Variants in PHLDB2 observed in about 807,000 individuals in gnomAD.
PHLDB2 encodes pleckstrin homology-like domain family B member 2.
PHLDB2 carries 71 observed loss-of-function variants against 123.6 expected under a neutral mutation model. That is an observed-to-expected ratio of 0.57 (90% CI 0.47 to 0.70). The LOEUF (loss-of-function observed/expected upper bound fraction) is 0.70, where lower values mean the gene tolerates loss of function less well. PHLDB2 is among the 30% of genes least tolerant of loss of function. The pLI is 0.00. For missense variants in PHLDB2, 1,446 were observed against 1,519.5 expected, an observed-to-expected ratio of 0.95 and a Z score of 0.80; for synonymous variants, 547 against 541.6, an observed-to-expected ratio of 1.01 and a Z score of -0.14.
intron 1 of PHLDB2, among the ~76,000 whole-genome samples, chr3:111,785,722 A>G (rs2060654535): frequency 6.6e-6 from 1 of 152,116 alleles, no homozygotes; most frequent in Admixed American, 6.6e-5. Context: ...AGGACACACC[A>G]AGAAGGAAGT....
At position 111,884,442 on chromosome 3, in the gene PHLDB2, C is replaced by T. The variant is rs1037922169; in HGVS notation, c.365C>T (p.Pro122Leu). The T allele has an allele frequency of 5.6e-6, 9 of 1,614,132 alleles. No homozygotes were observed. Among genetic ancestry groups the T allele is most frequent in the Non-Finnish European group, 6.8e-6 (8 of 1,180,024 alleles). Residue 122 changes from proline to leucine, a missense_variant, in exon 2 of 18, where the codon CCA (proline) becomes CTA (leucine). Physicochemically the swap from Pro to Leu is moderately conservative, Grantham distance 98 (BLOSUM62 -3). This residue lies in a region of PHLDB2 where 832 missense variants were observed against 831.9 expected (regional missense o/e 1.00). Coordinates refer to ENST00000431670, the MANE Select transcript of PHLDB2 (RefSeq NM_001134438.2). ...ACTACATCCTCCCTCAGTGGATATC[C>T]ACTTGGAAGAGCAGACTTTGATCAT... ...LNTTSSLSGY[P>L]LGRADFDHYT...
At chr3:111,900,525 G>A (rs1002427229) in intron 2 of PHLDB2, among the ~76,000 whole-genome samples, 5 of 152,114 alleles carry the variant, frequency 3.3e-5, no homozygotes, top group East Asian at 1.9e-4. Context: ...TTGATGGAGC[G>A]GTTAGAACAA....
chr3:111,860,596 A>T (rs1016061002), intron 1 of PHLDB2, among the ~76,000 whole-genome samples: 1 of 152,156 alleles, frequency 6.6e-6, no homozygotes, highest in Admixed American at 6.5e-5. Flanking sequence ...TGTCCCTCCC[A>T]GGGTTGGGGT....
intron 12 of PHLDB2, among the ~76,000 whole-genome samples, chr3:111,961,228 G>T (rs2071394476): frequency 6.6e-6 from 1 of 152,184 alleles, no homozygotes; most frequent in Non-Finnish European, 1.5e-5. Context: ...CTACTTGGGA[G>T]GCTGAGGCAG....
Position 111,974,567 on chromosome 3 carries a change from A to G in PHLDB2, c.*4A>G, listed in dbSNP as rs1559931425. The G allele has an allele frequency of 6.2e-7, 1 of 1,609,248 alleles. No individual in the cohort carries two copies. Among genetic ancestry groups the G allele is most frequent in the Non-Finnish European group, 8.5e-7 (1 of 1,177,950 alleles). On this transcript the variant is annotated 3_prime_UTR_variant, in exon 18 of 18. Transcript: ENST00000431670. ...TTACACTCACTTCTTGTTGTAGTGA[A>G]CTGAGGCAACAGTCCACTTCAGGGC...
intron 2 of PHLDB2, chr3:111,911,496 A>G: frequency 1.2e-6 from 1 of 830,358 alleles, no homozygotes; most frequent in East Asian, 2.7e-5. Flanking sequence ...GAAGTTTAAA[A>G]TAAGGCAATG....
chr3:111,963,211 G>T (rs2071529109), intron 13 of PHLDB2, among the ~76,000 whole-genome samples: 1 of 152,082 alleles, frequency 6.6e-6, no homozygotes, highest in South Asian at 2.1e-4. Context: ...TGGCACTCTA[G>T]GTCCAGCCCA....
At chr3:111,940,872 T>C (rs1039461599) in intron 8 of PHLDB2, among the ~76,000 whole-genome samples, 2 of 152,232 alleles carry the variant, frequency 1.3e-5, no homozygotes, top group Non-Finnish European at 1.5e-5. Context: ...TTTTTTCACA[T>C]TGTAAAAATC....
chr3:111,917,446 C>G (rs987861948), intron 3 of PHLDB2: 7 of 152,140 alleles, frequency 4.6e-5, no homozygotes, highest in Non-Finnish European at 1.0e-4. Flanking sequence ...TAATCTTGAC[C>G]CAACAGGATA....
At chr3:111,845,354 C>CAAAAAAAAAAAAA (rs745585464) in intron 1 of PHLDB2, among the ~76,000 whole-genome samples, 1 of 39,160 alleles carries the variant, frequency 2.6e-5, no homozygotes, top group African/African-American at 1.2e-4. Context: ...GACTCTGTCT[C>CAAAAAAAAAAAAA]AAAAAAAAAA....
chr3:111,853,646 T>C (rs2064357934), intron 2 of PHLDB2, among the ~76,000 whole-genome samples: 1 of 151,958 alleles, frequency 6.6e-6, no homozygotes, highest in African/African-American at 2.4e-5. Flanking sequence ...AAGGCCGAGG[T>C]GGGTGGATCA....
At chr3:111,814,032 C>T (rs1660839510) in intron 1 of PHLDB2, among the ~76,000 whole-genome samples, 2 of 152,186 alleles carry the variant, frequency 1.3e-5, no homozygotes, top group Admixed American at 6.5e-5. Context: ...TAGAGGTGAA[C>T]ATAAGTCTCC....
Position 111,945,347 on chromosome 3 carries a change from C to T in PHLDB2, c.2477C>T (p.Thr826Ile), listed in dbSNP as rs1370231823. The change falls in exon 9 of 18, where the codon ACT (threonine) becomes ATT (isoleucine). Residue 826 changes from threonine to isoleucine, a missense_variant. Physicochemically the swap from Thr to Ile is moderately conservative, Grantham distance 89. Coordinates refer to ENST00000431670, the MANE Select transcript of PHLDB2 (RefSeq NM_001134438.2). ...GGKGFPVNPN[T>I]LKEGYISVNE... is the part of the protein sequence containing the mutation. Reference sequence around the variant, plus strand: ...AAAGGGTTTCCCGTTAACCCCAATACTTTAAAAGAGGTAAGCTATGATTTT... The same window carrying T: ...AAAGGGTTTCCCGTTAACCCCAATATTTTAAAAGAGGTAAGCTATGATTTT... The T allele has an allele frequency of 4.4e-6, 7 of 1,598,058 alleles. No homozygotes were observed. Among genetic ancestry groups the T allele is most frequent in the Non-Finnish European group, 5.1e-6 (6 of 1,166,526 alleles).
chr3:111,908,450 C>T (rs1287533207), intron 2 of PHLDB2, among the ~76,000 whole-genome samples: 3 of 152,180 alleles, frequency 2.0e-5, no homozygotes, highest in Non-Finnish European at 4.4e-5. Context: ...TTCTTTCTTA[C>T]ACTCCAGGAC....
At position 111,939,550 on chromosome 3, in the gene PHLDB2, C is replaced by G; in HGVS notation, c.2206C>G (p.Leu736Val). Residue 736 changes from leucine to valine, a missense_variant, in exon 7 of 18, where the codon CTA becomes GTA. Around this residue, in one of 3 missense-constraint regions of PHLDB2, gnomAD observed 594 missense variants for 646.0 expected, o/e 0.92. Transcript: ENST00000431670. ...CCAGCAGCTTGAACATGAGAGCCGT[C>G]TAGATGAAGAAAAGGAGAACTTGAC... The part of the protein sequence containing the change: ...EFQQLEHESR[L>V]DEEKENLTQQ... 1 of 1,613,964 alleles carries G rather than the reference C, an allele frequency of 6.2e-7. No homozygotes were observed. The highest frequency in any genetic ancestry group is 1.1e-5 in the South Asian group (1 of 91,064).
chr3:111,936,063 G>A (rs1445387233), intron 6 of PHLDB2, among the ~76,000 whole-genome samples: 1 of 152,182 alleles, frequency 6.6e-6, no homozygotes, highest in Non-Finnish European at 1.5e-5. Flanking sequence ...AGTTGGCCAT[G>A]AGCTGTTATT....
chr3:111,749,670 G>A (rs544600769), intron 1 of PHLDB2, among the ~76,000 whole-genome samples: 1 of 152,274 alleles, frequency 6.6e-6, no homozygotes, highest in African/African-American at 2.4e-5. Flanking sequence ...AGTCACAGCT[G>A]AACTAAAAAA....
At chr3:111,918,621 G>A (rs1422056687) in intron 3 of PHLDB2, among the ~76,000 whole-genome samples, 5 of 152,200 alleles carry the variant, frequency 3.3e-5, no homozygotes, top group Non-Finnish European at 7.3e-5. Context: ...TTTTGCAGAT[G>A]TCCTCACCTG....
At chr3:111,905,197 A>C (rs574493407) in intron 2 of PHLDB2, among the ~76,000 whole-genome samples, 91 of 152,306 alleles carry the variant, frequency 6.0e-4, no homozygotes, top group African/African-American at 2.1e-3. Context: ...GCAAGCACTC[A>C]GTGAGTTTTA....
Sources: gnomAD v4.1 joint callset for allele counts (sites outside exome capture counted in the v4.1 genomes callset) on GRCh38, gnomAD v4.1.1 for gene constraint, gnomAD v4.1.1 regional missense constraint, MANE v1.5 for transcripts, NCBI Gene and HGNC (gene_info 2026-07-23, HGNC 2026-07-21) for gene names.